The following PSMA5 variants were observed in gnomAD, a reference collection of about 807,000 sequenced individuals.
PSMA5 encodes proteasome 20S subunit alpha 5, also known as proteasome subunit alpha type-5.
A neutral mutation model predicts 34.5 loss-of-function variants in PSMA5; 3 were observed. That is an observed-to-expected ratio of 0.09 (90% CI 0.04 to 0.22). The LOEUF (loss-of-function observed/expected upper bound fraction) is 0.22. Ranked by LOEUF, PSMA5 falls within the 10% of genes least tolerant of loss-of-function variation. The pLI is 1.00. For missense variants in PSMA5, 120 were observed against 286.1 expected (o/e 0.42, Z 4.19); for synonymous variants, 88 against 95.8 (o/e 0.92, Z 0.47).
At chr1:109,409,855 T>A (rs937636940) in intron 8 of PSMA5, 73 bp downstream of exon 8, 3 of 1,081,234 alleles carry the variant, frequency 2.8e-6, no homozygotes, top group Admixed American at 4.0e-5. Flanking sequence ...TCAAGACCAG[T>A]CTAGGCAATA....
At chr1:109,412,010 G>C (rs367714946) in intron 5 of PSMA5, 67 bp downstream of exon 5, 1 of 1,580,756 alleles carries the variant, frequency 6.3e-7, no homozygotes, top group East Asian at 2.2e-5. Flanking sequence ...GGAATGTTAT[G>C]TTCACAGGAC....
intron 3 of PSMA5, among the ~76,000 whole-genome samples, chr1:109,414,573 G>T (rs955335166): frequency 6.6e-5 from 10 of 152,132 alleles, no homozygotes. Flanking sequence ...ACCTTCAAAA[G>T]ACCAAGTGAC....
chr1:109,418,521 T>C lies in PSMA5; in HGVS notation c.97-3158A>G, dbSNP rs1471474953. ...TTGTGAAGACAAAGTCTCACTATGT[T>C]GCTCAGGCTGGTCTTGAACTTCTAG... On this transcript the variant is annotated intron_variant, in intron 2 of 8. Transcript: ENST00000271308. Among the ~76,000 whole-genome samples, 3 of 152,218 alleles carry C rather than the reference T, an allele frequency of 2.0e-5. No individual in the cohort carries two copies. In the East Asian group the frequency reaches 5.8e-4, roughly 29 times the overall value.
At position 109,426,068 on chromosome 1, in the gene PSMA5, C is replaced by T; in HGVS notation, c.29+234G>A. 3 of 591,768 alleles carry T rather than the reference C, an allele frequency of 5.1e-6. No homozygotes were observed. In the South Asian group the frequency reaches 6.3e-5, roughly 12 times the overall value. The allele number at this position is 591,768 out of a possible 1,614,324, so 36.7% of individuals were successfully genotyped here. On this transcript the variant is annotated intron_variant, in intron 1 of 8. Transcript: ENST00000271308. The stretch of plus-strand genomic sequence containing the variant: ...CTTTACCAAGCACCAGCCGGAGCTT[C>T]TCGCTTCCGCACCGAGTTAGGACCC...
intron 2 of PSMA5, 149 bp downstream of exon 2, chr1:109,421,711 C>T (rs1379569124): frequency 4.7e-6 from 3 of 637,710 alleles, no homozygotes; most frequent in Non-Finnish European, 8.1e-6. Context: ...AGGATTGAAA[C>T]TGTTATAAAA....
rs1430083647 is a variant in PSMA5, at chr1:109,401,579, A to C, written c.*434T>G. 6.5e-6 allele frequency: 1 copy of C among 152,782 alleles called. No individual in the cohort carries two copies. Among genetic ancestry groups the C allele is most frequent in the African/African-American group, 2.4e-5 (1 of 41,466 alleles). The allele number at this position is 152,782 out of a possible 1,614,324, so 9.5% of individuals were successfully genotyped here. Reference sequence around the variant, plus strand: ...TTGATTCTGTTATAGAGCATCACTAAAACAGTTTTAGAACAGACATCTTCA... The same window carrying C: ...TTGATTCTGTTATAGAGCATCACTACAACAGTTTTAGAACAGACATCTTCA... On this transcript the variant is annotated 3_prime_UTR_variant, in exon 9 of 9. Coordinates refer to ENST00000271308, the MANE Select transcript of PSMA5 (RefSeq NM_002790.4).
rs1454233863 is a variant in PSMA5, at chr1:109,402,061, G to A, written c.678C>T (p.Phe226=). 1.9e-6 allele frequency: 3 copies of A among 1,612,876 alleles called. No homozygotes were observed. The highest frequency in any genetic ancestry group is 1.1e-5 in the South Asian group (1 of 90,876). The change falls in exon 9 of 9, where the codon TTC becomes TTT. Residue 226 remains phenylalanine, a synonymous_variant. Coordinates refer to ENST00000271308, the MANE Select transcript of PSMA5 (RefSeq NM_002790.4). The part of the protein sequence containing the change: ...ELATVQPGQN[F]HMFTKEELEE... ...CAAGTTCTTCCTTTGTGAACATGTG[G>A]AAATTCTGGCCAGGCTGCACTGTGG...
rs1244902687 is a variant in PSMA5, at chr1:109,400,444, T to A, written c.*1569A>T. 6.6e-6 allele frequency: 1 copy of A among 152,244 alleles called. No individual in the cohort carries two copies. The highest frequency in any genetic ancestry group is 1.5e-5 in the Non-Finnish European group (1 of 68,038). The allele number at this position is 152,244 out of a possible 1,614,324, so 9.4% of individuals were successfully genotyped here. On this transcript the variant is annotated 3_prime_UTR_variant, in exon 9 of 9. Coordinates refer to ENST00000271308, the MANE Select transcript of PSMA5 (RefSeq NM_002790.4). ...TGGCATATAGTAGGTAGGTGCTCAATAAATTTGTTACAGGAATAAATGAGA... is the reference window on the plus strand; with the variant it reads ...TGGCATATAGTAGGTAGGTGCTCAAAAAATTTGTTACAGGAATAAATGAGA...
At chr1:109,424,965 G>A (rs58657374) in intron 1 of PSMA5, among the ~76,000 whole-genome samples, 2 of 139,920 alleles carry the variant, frequency 1.4e-5, no homozygotes, top group African/African-American at 6.7e-5. Flanking sequence ...GCAGCCTGGC[G>A]ACAGAGCGAG....
Position 109,426,436 on chromosome 1 carries a change from C to T in PSMA5, c.-106G>A, listed in dbSNP as rs1654671952. On this transcript the variant is annotated 5_prime_UTR_variant, in exon 1 of 9. Coordinates refer to ENST00000271308, the MANE Select transcript of PSMA5 (RefSeq NM_002790.4). ...CCAACTCACCCACACGGCCGCAGTA[C>T]TAAGGACCAACTGCGCGTGCGACCG... The T allele has an allele frequency of 4.9e-6, 7 of 1,429,806 alleles. No individual in the cohort carries two copies. Among genetic ancestry groups the T allele is most frequent in the Non-Finnish European group, 6.9e-6 (7 of 1,013,046 alleles). 88.6% of individuals were successfully genotyped at this position (1,429,806 alleles called of 1,614,324 possible).
chr1:109,407,446 T>C (rs2082095), intron 8 of PSMA5, among the ~76,000 whole-genome samples: 1,644 of 152,250 alleles, frequency 0.011, 33 homozygotes, highest in African/African-American at 0.038. Flanking sequence ...CTATGAAAGC[T>C]GGTTCTATGG....
At chr1:109,420,402 G>C (rs1225587161) in intron 2 of PSMA5, among the ~76,000 whole-genome samples, 1 of 152,172 alleles carries the variant, frequency 6.6e-6, no homozygotes, top group Admixed American at 6.5e-5. Flanking sequence ...CTGTGTTATA[G>C]AGATATGGAG....
Position 109,411,955 on chromosome 1 carries a change from G to C in PSMA5, c.400-20C>G. 1 of 1,604,346 alleles carries C rather than the reference G, an allele frequency of 6.2e-7. No individual in the cohort carries two copies. The highest frequency in any genetic ancestry group is 8.5e-7 in the Non-Finnish European group (1 of 1,171,206). Reference sequence around the variant, plus strand: ...ACGAGACTAGAACCAAAAAATAAGAGATATTAAGATAAATGGCTATAAAGT... The same window carrying C: ...ACGAGACTAGAACCAAAAAATAAGACATATTAAGATAAATGGCTATAAAGT... On this transcript the variant is annotated intron_variant, in intron 5 of 8. Transcript: ENST00000271308.
intron 5 of PSMA5, 40 bp downstream of exon 5, chr1:109,412,037 A>G (rs1261096630): frequency 1.3e-6 from 2 of 1,592,406 alleles, no homozygotes; most frequent in South Asian, 1.1e-5. Flanking sequence ...CCTAAGTCCC[A>G]TAGAACAATA....
intron 8 of PSMA5, among the ~76,000 whole-genome samples, chr1:109,409,210 G>A (rs779022492): frequency 5.3e-5 from 8 of 152,072 alleles, no homozygotes; most frequent in African/African-American, 7.2e-5. Flanking sequence ...AGGTTGGAGC[G>A]CAGTATCACA....
chr1:109,422,376 C>T (rs1654477670), intron 1 of PSMA5, among the ~76,000 whole-genome samples: 1 of 152,150 alleles, frequency 6.6e-6, no homozygotes, highest in Non-Finnish European at 1.5e-5. Context: ...CCCTCATTAC[C>T]TTTCACCTAA....
chr1:109,401,372 C>T lies in PSMA5; in HGVS notation c.*641G>A, dbSNP rs1407060545. 6.6e-6 allele frequency: 1 copy of T among 152,072 alleles called. No individual in the cohort carries two copies. 9.4% of individuals were successfully genotyped at this position (152,072 alleles called of 1,614,324 possible). On this transcript the variant is annotated 3_prime_UTR_variant, in exon 9 of 9. Coordinates refer to ENST00000271308, the MANE Select transcript of PSMA5 (RefSeq NM_002790.4). ...AACCCATCAATGTTTTGAGGAGGAC[C>T]TCAAAACATGTTCTTCTGATAGTCA... is the stretch of plus-strand genomic sequence containing the variant.
rs1243526444 is a variant in PSMA5 at position 109,401,103 on chromosome 1, A to C, written c.*910T>G. On this transcript the variant is annotated 3_prime_UTR_variant, in exon 9 of 9. Coordinates refer to ENST00000271308, the MANE Select transcript of PSMA5 (RefSeq NM_002790.4). ...GCTGAGATAGAATGATTCTTTAAAC[A>C]ATCTCCACCAATCATATGATGGCAG... The C allele has an allele frequency of 6.6e-6, 1 of 152,204 alleles. No individual in the cohort carries two copies. Among genetic ancestry groups the C allele is most frequent in the Non-Finnish European group, 1.5e-5 (1 of 68,038 alleles). 9.4% of individuals were successfully genotyped at this position (152,204 alleles called of 1,614,324 possible).
At chr1:109,421,288 A>T (rs1288180362) in intron 2 of PSMA5, among the ~76,000 whole-genome samples, 1 of 152,124 alleles carries the variant, frequency 6.6e-6, no homozygotes, top group Non-Finnish European at 1.5e-5. Flanking sequence ...CTGTAATCCC[A>T]GCACTTTGGG....
Sources: gnomAD v4.1 joint callset for allele counts (sites outside exome capture counted in the v4.1 genomes callset) on GRCh38, gnomAD v4.1.1 for gene constraint, MANE v1.5 for transcripts, NCBI Gene and HGNC (gene_info 2026-07-23, HGNC 2026-07-21) for gene names.